CYBC1: variants seen among roughly 807,000 people sequenced by gnomAD.
The protein encoded by CYBC1 is cytochrome b-245 chaperone 1, also known as essential for reactive oxygen species protein.
A neutral mutation model predicts 21.7 loss-of-function variants in CYBC1; 22 were observed. That is an observed-to-expected ratio of 1.02 (90% confidence interval 0.73 to 1.45). The LOEUF is 1.45. Ranked by LOEUF, CYBC1 falls within the 40% of genes most tolerant of loss-of-function variation. The pLI is 0.00. For synonymous variants in CYBC1, 112 were observed against 98.7 expected, an observed-to-expected ratio of 1.13 and a Z score of -0.80; for missense variants, 237 against 242.1, an observed-to-expected ratio of 0.98 and a Z score of 0.14.
intron 3 of CYBC1, 115 bp from the exon 4 acceptor site, chr17:82,446,811 CT>C (rs2054323190): frequency 9.5e-7 from 1 of 1,052,022 alleles, no homozygotes; most frequent in Non-Finnish European, 1.4e-6. Flanking sequence ...CAAGGACCCC[CT>C]GGGCAGCTTC....
Position 82,449,304 on chromosome 17 carries a change from C to G in CYBC1, c.-38-12G>C, listed in dbSNP as rs377494603. On this transcript the variant is annotated splice_polypyrimidine_tract_variant and intron_variant, in intron 1 of 6. Coordinates refer to ENST00000306645, the MANE Select transcript of CYBC1 (RefSeq NM_001033046.4). ...ACAGGAGGAGGGGTCTGGGAACAGA[C>G]AGAGGCAGCTGAGCCCTTGGGCCTG... 8.3e-6 allele frequency: 12 copies of G among 1,442,108 alleles called. No homozygotes were observed. The highest frequency in any genetic ancestry group is 1.1e-5 in the Non-Finnish European group (12 of 1,079,536). The allele number at this position is 1,442,108 out of a possible 1,614,324, so 89.3% of individuals were successfully genotyped here.
Position 82,444,595 on chromosome 17 carries a change from C to A in CYBC1, c.299-4G>T. ...ACATCATGGAGCAGGACCACCACTG[C>A]GGGGAGACGGTCAGTGGCCGAGCCA... is the stretch of plus-strand genomic sequence containing the variant. On this transcript the variant is annotated splice_region_variant and splice_polypyrimidine_tract_variant and intron_variant, in intron 5 of 6. Coordinates refer to ENST00000306645, the MANE Select transcript of CYBC1 (RefSeq NM_001033046.4). 1 of 1,596,268 alleles carries A rather than the reference C, an allele frequency of 6.3e-7. No homozygotes were observed. The highest frequency in any genetic ancestry group is 8.6e-7 in the Non-Finnish European group (1 of 1,167,048).
Position 82,443,987 on chromosome 17 carries a change from C to G in CYBC1, c.*17G>C, listed in dbSNP as rs368113145. ...GGGTCCTGTGGGCGGTGCACGGGCT[C>G]AGGCACAGTGGGGCTGTCAGCTCTG... On this transcript the variant is annotated 3_prime_UTR_variant, in exon 7 of 7. Transcript: ENST00000306645. This position sits in a 1 kb window ranked among gnomAD's most constrained non-coding sequence, Gnocchi z 6.7. 1.3e-5 allele frequency: 21 copies of G among 1,611,156 alleles called. No homozygotes were observed. Among genetic ancestry groups the G allele is most frequent in the Non-Finnish European group, 1.8e-5 (21 of 1,179,988 alleles).
Position 82,443,889 on chromosome 17 carries a change from C to T in CYBC1, c.*115G>A, listed in dbSNP as rs1194686836. 2 of 613,902 alleles carry T rather than the reference C, an allele frequency of 3.3e-6. No individual in the cohort carries two copies. The highest frequency in any genetic ancestry group is 4.0e-5 in the African/African-American group (2 of 49,522). The allele number at this position is 613,902 out of a possible 1,614,324, so 38.0% of individuals were successfully genotyped here. On this transcript the variant is annotated 3_prime_UTR_variant, in exon 7 of 7. Transcript: ENST00000306645. This position sits in a 1 kb window ranked among gnomAD's most constrained non-coding sequence, Gnocchi z 6.7. ...ACGGGTCCTGTGGGCGGTGCACGGGCTCAGGCACACCGGGAATGTGCCACG... is the reference window on the plus strand; with the variant it reads ...ACGGGTCCTGTGGGCGGTGCACGGGTTCAGGCACACCGGGAATGTGCCACG...
intron 1 of CYBC1, chr17:82,449,539 C>T: frequency 2.6e-6 from 1 of 378,774 alleles, no homozygotes; most frequent in Non-Finnish European, 4.7e-6. Context: ...GGGCTGTTTC[C>T]CGCTCAGACT....
In CYBC1 at chr17:82,442,832, C is replaced by T; in HGVS notation, c.*1172G>A. On this transcript the variant is annotated 3_prime_UTR_variant, in exon 7 of 7. Transcript: ENST00000306645. This position sits in a 1 kb window ranked among gnomAD's most constrained non-coding sequence, Gnocchi z 6.8. ...GCCTGCCGCCTAGGGGCTCACAGGG[C>T]CCAGGAGTCCCCAGCTCACAGGCCA... 1 of 472,648 alleles carries T rather than the reference C, an allele frequency of 2.1e-6. No individual in the cohort carries two copies. The highest frequency in any genetic ancestry group is 3.3e-5 in the East Asian group (1 of 30,016). The allele number at this position is 472,648 out of a possible 1,614,324, so 29.3% of individuals were successfully genotyped here. A position where few individuals can be genotyped will look rare whatever the true frequency, so the allele number is the denominator to read the frequency against.
chr17:82,447,369 G>T, intron 3 of CYBC1: 6 of 521,436 alleles, frequency 1.2e-5, no homozygotes, highest in Non-Finnish European at 1.7e-5. Context: ...AAAAAAAAAA[G>T]AAGTGAAATG....
intron 3 of CYBC1, 66 bp from the exon 4 acceptor site, chr17:82,446,762 G>A (rs969455411): frequency 9.8e-5 from 149 of 1,514,126 alleles, no homozygotes; most frequent in Non-Finnish European, 1.4e-4. Flanking sequence ...GCCCCGCCTA[G>A]CACAGCCTCC....
chr17:82,446,730 T>C (rs2054315854), intron 3 of CYBC1, 34 bp from the exon 4 acceptor site: 4 of 1,608,858 alleles, frequency 2.5e-6, no homozygotes, highest in African/African-American at 2.7e-5. Context: ...GCCTGTGAGC[T>C]CCAGGGACAT....
intron 5 of CYBC1, chr17:82,445,319 C>T (rs2054215450): frequency 6.3e-6 from 1 of 158,306 alleles, no homozygotes; most frequent in Admixed American, 6.1e-5. Context: ...GTGGGGAGTT[C>T]CTCGGACCAT....
chr17:82,444,618 C>T lies in CYBC1; in HGVS notation c.299-27G>A. On this transcript the variant is annotated intron_variant, in intron 5 of 6. Transcript: ENST00000306645. ...TGCGGGGAGACGGTCAGTGGCCGAG[C>T]CATCCCCGCCCACACATGCTGCCCG... 3 of 1,570,058 alleles carry T rather than the reference C, an allele frequency of 1.9e-6. No individual in the cohort carries two copies. In the South Asian group the frequency reaches 3.4e-5, roughly 18 times the overall value.
At position 82,449,161 on chromosome 17, in the gene CYBC1, G is replaced by A. The variant is rs1331440834; in HGVS notation, c.85+9C>T. The A allele has an allele frequency of 6.4e-7, 1 of 1,559,424 alleles. No homozygotes were observed. The highest frequency in any genetic ancestry group is 8.7e-7 in the Non-Finnish European group (1 of 1,155,180). ...CTGGGGTTCTGGGGAGGGACGTGGA[G>A]AGCCTTACCAACCAGCAGGGACCAG... On this transcript the variant is annotated intron_variant, in intron 2 of 6. Coordinates refer to ENST00000306645, the MANE Select transcript of CYBC1 (RefSeq NM_001033046.4).
chr17:82,445,629 G>A (rs1470606901), intron 5 of CYBC1: 1 of 460,048 alleles, frequency 2.2e-6, no homozygotes, highest in Non-Finnish European at 3.9e-6. Context: ...TCTCCCCAGG[G>A]GCCAAACCTC....
rs1435587715 is a variant in CYBC1 at position 82,446,959 on chromosome 17, G to C, written c.128-263C>G. ...GCCCGTCTGGGCAGGCCCAGTGATT[G>C]TGGCAGGGTGGGAAGTACACCTCAT... On this transcript the variant is annotated intron_variant, in intron 3 of 6. Coordinates refer to ENST00000306645, the MANE Select transcript of CYBC1 (RefSeq NM_001033046.4). The C allele has an allele frequency of 6.7e-5, 37 of 552,986 alleles. No homozygotes were observed. In the East Asian group the frequency reaches 1.1e-3, roughly 17 times the overall value. 34.3% of individuals were successfully genotyped at this position (552,986 alleles called of 1,614,324 possible).
At chr17:82,447,527 G>C in intron 3 of CYBC1, 53 bp downstream of exon 3, 1 of 1,168,208 alleles carries the variant, frequency 8.6e-7, no homozygotes, top group Non-Finnish European at 1.1e-6. Flanking sequence ...TCTTTTCTCT[G>C]TTTTCCAAAC....
intron 3 of CYBC1, chr17:82,447,136 G>A (rs578239697): frequency 3.8e-5 from 11 of 288,536 alleles, no homozygotes; most frequent in African/African-American, 1.8e-4. Flanking sequence ...GGCGGATCAC[G>A]AGGTCAGGAG....
intron 6 of CYBC1, 96 bp from the exon 7 acceptor site, chr17:82,444,220 G>A (rs1027992631): frequency 9.2e-6 from 14 of 1,522,986 alleles, no homozygotes; most frequent in African/African-American, 6.8e-5. Context: ...CCTACCTCCC[G>A]CAGACCCTGG....
intron 3 of CYBC1, 60 bp downstream of exon 3, chr17:82,447,520 T>G: frequency 5.8e-6 from 8 of 1,389,568 alleles, no homozygotes; most frequent in Non-Finnish European, 8.0e-6. Context: ...TTTTCCTTCT[T>G]TTCTCTGTTT....
chr17:82,445,973 A>C lies in CYBC1; in HGVS notation c.202-13T>G. On this transcript the variant is annotated splice_polypyrimidine_tract_variant and intron_variant, in intron 4 of 6. Transcript: ENST00000306645. ...CGAAGATGGCTTCCTGGAAACCGAC[A>C]TGCACTGACCACCATGAACCTCCAG... 1 of 1,610,864 alleles carries C rather than the reference A, an allele frequency of 6.2e-7. No homozygotes were observed. Among genetic ancestry groups the C allele is most frequent in the Non-Finnish European group, 8.5e-7 (1 of 1,177,844 alleles).
Sources: gnomAD v4.1 joint callset for allele counts on GRCh38, gnomAD v4.1.1 for gene constraint, Gnocchi (gnomAD v3.1) non-coding constraint, MANE v1.5 for transcripts, NCBI Gene and HGNC (gene_info 2026-07-23, HGNC 2026-07-21) for gene names.